The following RIMBP2 variants were observed in gnomAD, a reference collection of about 807,000 sequenced individuals.
The protein encoded by RIMBP2 is RIMS binding protein 2.
RIMBP2 carries 48 observed loss-of-function variants against 118.6 expected under a neutral mutation model. The observed-to-expected ratio is 0.40, with a 90% CI of 0.32 to 0.51. The LOEUF is 0.51. Among genes scored for constraint, RIMBP2 ranks in the 20% least tolerant of loss-of-function variants. The pLI is 0.41. For missense variants in RIMBP2, 1,551 were observed against 1,768.3 expected (o/e 0.88, Z 2.20); for synonymous variants, 762 against 742.9 (o/e 1.03, Z -0.42).
chr12:130,583,757 C>G (rs1003040396), intron 2 of RIMBP2, among the ~76,000 whole-genome samples: 2 of 77,186 alleles, frequency 2.6e-5, no homozygotes, highest in Admixed American at 1.5e-4. Context: ...CACCACCACC[C>G]CCATCACCTC....
chr12:130,430,819 C>T (rs562208107), intron 14 of RIMBP2, among the ~76,000 whole-genome samples: 3 of 151,976 alleles, frequency 2.0e-5, no homozygotes, highest in East Asian at 3.9e-4. Flanking sequence ...TTAGTGGAGA[C>T]GGAGTTTCAC....
chr12:130,493,066 G>C (rs1226909363), intron 4 of RIMBP2, among the ~76,000 whole-genome samples: 1 of 152,112 alleles, frequency 6.6e-6, no homozygotes, highest in African/African-American at 2.4e-5. Context: ...GGGCGCAGGA[G>C]GCGGAGGCTG....
chr12:130,473,242 G>A (rs548925847), intron 5 of RIMBP2, among the ~76,000 whole-genome samples: 6 of 152,214 alleles, frequency 3.9e-5, no homozygotes, highest in Non-Finnish European at 8.8e-5. Flanking sequence ...CAAAATCCAA[G>A]CAACAGCTTA....
chr12:130,661,141 G>A (rs1201855986), intron 1 of RIMBP2, among the ~76,000 whole-genome samples: 1 of 152,148 alleles, frequency 6.6e-6, no homozygotes, highest in Non-Finnish European at 1.5e-5. Context: ...TTCGCAGTCT[G>A]TATTCCAGCA....
intron 2 of RIMBP2, among the ~76,000 whole-genome samples, chr12:130,571,699 C>T (rs1336134447): frequency 6.6e-6 from 1 of 152,190 alleles, no homozygotes; most frequent in African/African-American, 2.4e-5. Flanking sequence ...ACTCAAGACC[C>T]TCCTGTGCCG....
In RIMBP2 at chr12:130,434,997, A is replaced by C. The variant is rs2077408591; in HGVS notation, c.2107-117T>G. 10 of 1,082,234 alleles carry C rather than the reference A, an allele frequency of 9.2e-6. No homozygotes were observed. The East Asian group carries it at 2.6e-4, about 28-fold the overall frequency. 67.0% of individuals were successfully genotyped at this position (1,082,234 alleles called of 1,614,324 possible). A position where few individuals can be genotyped will look rare whatever the true frequency, so the allele number is the denominator to read the frequency against. ...GAGCCTGGCCAGGCACCCCCCACAC[A>C]GTGCTTTGGGCCCAGCTCTGCCGCC... On this transcript the variant is annotated intron_variant, in intron 13 of 22. Transcript: ENST00000690449. This position sits in a 1 kb window ranked among gnomAD's most constrained non-coding sequence, Gnocchi z 5.7.
intron 3 of RIMBP2, among the ~76,000 whole-genome samples, chr12:130,514,899 CAG>C (rs1321133332): frequency 2.6e-5 from 4 of 151,828 alleles, no homozygotes; most frequent in Non-Finnish European, 5.9e-5. Context: ...TTTTTTGAGA[CAG>C]AGTCTTGCTC....
At chr12:130,455,552 T>G (rs2079364363) in intron 7 of RIMBP2, among the ~76,000 whole-genome samples, 2 of 151,936 alleles carry the variant, frequency 1.3e-5, no homozygotes, top group African/African-American at 2.4e-5. Flanking sequence ...TTCTCTCTGA[T>G]GCGTGGACCA....
intron 1 of RIMBP2, among the ~76,000 whole-genome samples, chr12:130,678,271 G>A (rs866175022): frequency 1.3e-5 from 2 of 152,310 alleles, no homozygotes; most frequent in East Asian, 3.9e-4. Flanking sequence ...CAGGAAACAC[G>A]ACAGGAGAAC....
At chr12:130,415,354 T>G (rs2076036700) in intron 17 of RIMBP2, among the ~76,000 whole-genome samples, 1 of 152,056 alleles carries the variant, frequency 6.6e-6, no homozygotes, top group South Asian at 2.1e-4. Flanking sequence ...CAACATCCCT[T>G]CATGATTAAA....
intron 4 of RIMBP2, among the ~76,000 whole-genome samples, chr12:130,484,165 C>T (rs750863208): frequency 6.6e-5 from 10 of 152,192 alleles, no homozygotes; most frequent in Non-Finnish European, 1.0e-4. Flanking sequence ...GGCCCCATGT[C>T]GCATCCCAGC....
chr12:130,442,230 G>A lies in RIMBP2; in HGVS notation c.1122C>T (p.Leu374=), dbSNP rs143134918. The stretch of plus-strand genomic sequence containing the variant: ...TGCGGTAGGTGCAGGCTGCCATGTT[G>A]AGCTTCTCGATGAGGGCTTTAGTTC... ...GSRTKALIEK[L]NMAACTYRIS... is the part of the protein sequence containing the mutation. The change falls in exon 11 of 23, where the codon CTC becomes CTT. Residue 374 remains leucine (L), a synonymous_variant. Coordinates refer to ENST00000690449, the MANE Select transcript of RIMBP2 (RefSeq NM_001393629.1). This position sits in a 1 kb window ranked among gnomAD's most constrained non-coding sequence, Gnocchi z 6.9. The A allele has an allele frequency of 1.7e-4, 279 of 1,614,070 alleles. No homozygotes were observed. Among genetic ancestry groups the A allele is most frequent in the Non-Finnish European group, 2.3e-4 (272 of 1,180,056 alleles).
chr12:130,636,387 T>A (rs962350249), intron 1 of RIMBP2, among the ~76,000 whole-genome samples: 3 of 152,144 alleles, frequency 2.0e-5, no homozygotes, highest in Admixed American at 2.0e-4. Flanking sequence ...GTTGTATGTA[T>A]CTTATTTACC....
intron 3 of RIMBP2, among the ~76,000 whole-genome samples, chr12:130,509,274 C>T (rs2050669395): frequency 6.6e-6 from 1 of 152,200 alleles, no homozygotes; most frequent in Non-Finnish European, 1.5e-5. Context: ...ATGTGCCGGA[C>T]AGAGAGTGCC....
chr12:130,523,119 C>G lies in RIMBP2; in HGVS notation c.-216-5202G>C, dbSNP rs550797717. On this transcript the variant is annotated intron_variant, in intron 2 of 22. Coordinates refer to ENST00000690449, the MANE Select transcript of RIMBP2 (RefSeq NM_001393629.1). This position sits in a 1 kb window ranked among gnomAD's most constrained non-coding sequence, Gnocchi z 4.4. Reference sequence around the variant, plus strand: ...CTCTGCTTCTTCTGTCTCTCCCAGTCTCACTCTGCCTCTCTCTCTCTCTCT... The same window carrying G: ...CTCTGCTTCTTCTGTCTCTCCCAGTGTCACTCTGCCTCTCTCTCTCTCTCT... Among the ~76,000 whole-genome samples, 1 of 152,010 alleles carries G rather than the reference C, an allele frequency of 6.6e-6. No individual in the cohort carries two copies. The highest frequency in any genetic ancestry group is 2.1e-4 in the South Asian group (1 of 4,798).
At chr12:130,551,823 C>T (rs2055816321) in intron 2 of RIMBP2, among the ~76,000 whole-genome samples, 2 of 152,244 alleles carry the variant, frequency 1.3e-5, no homozygotes, top group Non-Finnish European at 2.9e-5. Flanking sequence ...TTCTTTTCCA[C>T]AAAGGGGCCT....
rs2078683592 is a variant in RIMBP2, at chr12:130,447,988, C to G, written c.581+2212G>C. Among the ~76,000 whole-genome samples, 1 of 152,114 alleles carries G rather than the reference C, an allele frequency of 6.6e-6. No homozygotes were observed. Among genetic ancestry groups the G allele is most frequent in the Non-Finnish European group, 1.5e-5 (1 of 68,012 alleles). ...GACCCGGGGCAGAAAACATAACCCC[C>G]TCCCTACATCTACCTGCAAAGCCAC... On this transcript the variant is annotated intron_variant, in intron 9 of 22. Coordinates refer to ENST00000690449, the MANE Select transcript of RIMBP2 (RefSeq NM_001393629.1). This position sits in a 1 kb window ranked among gnomAD's most constrained non-coding sequence, Gnocchi z 4.4.
intron 1 of RIMBP2, among the ~76,000 whole-genome samples, chr12:130,631,677 A>G (rs1468279221): frequency 6.6e-6 from 1 of 151,530 alleles, no homozygotes; most frequent in East Asian, 1.9e-4. Context: ...GAAAACTGGT[A>G]AGTCAAAAAA....
intron 1 of RIMBP2, among the ~76,000 whole-genome samples, chr12:130,693,331 T>C (rs777754981): frequency 1.3e-5 from 2 of 152,110 alleles, no homozygotes; most frequent in Non-Finnish European, 2.9e-5. Flanking sequence ...ATTTAGGCAA[T>C]TGGGGAAAGT....
Sources: gnomAD v4.1 joint callset for allele counts (sites outside exome capture counted in the v4.1 genomes callset) on GRCh38, gnomAD v4.1.1 for gene constraint, Gnocchi (gnomAD v3.1) non-coding constraint, MANE v1.5 for transcripts, NCBI Gene and HGNC (gene_info 2026-07-23, HGNC 2026-07-21) for gene names.